TCF20: variants seen among roughly 807,000 people sequenced by gnomAD.
TCF20 encodes transcription factor 20, also known as SPRE-binding protein.
Under a neutral mutation model 148.6 loss-of-function variants are expected in TCF20, and 3 were observed. The ratio of observed to expected loss-of-function variants is 0.02; its 90% CI spans 0.01 to 0.05. The LOEUF (loss-of-function observed/expected upper bound fraction) is 0.05. Ranked by LOEUF, TCF20 falls within the 10% of genes least tolerant of loss-of-function variation. The pLI is 1.00. For synonymous variants in TCF20, 1,049 were observed against 909.5 expected, an observed-to-expected ratio of 1.15 and a Z score of -2.76; for missense variants, 2,350 against 2,429.3, an observed-to-expected ratio of 0.97 and a Z score of 0.69.
chr22:42,207,589 G>A (rs1298346127), intron 2 of TCF20, among the ~76,000 whole-genome samples: 1 of 152,192 alleles, frequency 6.6e-6, no homozygotes, highest in East Asian at 1.9e-4. Flanking sequence ...GCCGAGGTGG[G>A]CGGATCACCT....
At chr22:42,240,635 G>C (rs1281413496) in intron 1 of TCF20, among the ~76,000 whole-genome samples, 4 of 152,178 alleles carry the variant, frequency 2.6e-5, no homozygotes, top group Non-Finnish European at 5.9e-5. Flanking sequence ...TTGTTGATTT[G>C]CCAGTGGAGG....
chr22:42,211,370 A>C lies in TCF20; in HGVS notation c.3936T>G (p.Pro1312=), dbSNP rs764481870. Residue 1312 remains proline (P), a synonymous_variant, in exon 2 of 6, where the codon CCT becomes CCG. Coordinates refer to ENST00000677622, the MANE Select transcript of TCF20 (RefSeq NM_001378418.1). ...GAAGGTCCTTGGAGGAATCTCTCTT[A>C]GGGATAGACTTGATATCCTGACTGT... ...LSHSQDIKSI[P]KRDSSKDLPS... 1 of 1,614,166 alleles carries C rather than the reference A, an allele frequency of 6.2e-7. No homozygotes were observed. The highest frequency in any genetic ancestry group is 8.5e-7 in the Non-Finnish European group (1 of 1,180,034).
intron 3 of TCF20, among the ~76,000 whole-genome samples, chr22:42,171,878 C>T (rs1029879695): frequency 3.9e-5 from 6 of 152,148 alleles, no homozygotes; most frequent in South Asian, 2.1e-4. Flanking sequence ...AGGGACCACA[C>T]GAGCAGCAAA....
At position 42,161,972 on chromosome 22, in the gene TCF20, CTTTTTTT is replaced by C. The variant is rs3045573; in HGVS notation, c.*45-621_*45-615del. On this transcript the variant is annotated intron_variant, in intron 5 of 5. Coordinates refer to ENST00000677622, the MANE Select transcript of TCF20 (RefSeq NM_001378418.1). ...GCCACCATGCTTGGCTAATGACAGT[CTTTTTTT>C]TTTTTTTTTTTTTTTTTTTTTGAGA... 9.2e-3 allele frequency among the ~76,000 whole-genome samples: 693 copies of C among 74,978 alleles called. 12 individuals carry two copies. Among genetic ancestry groups the C allele is most frequent in the African/African-American group, 0.04 (632 of 15,620 alleles). 49.2% of individuals were successfully genotyped at this position (74,978 alleles called of 152,430 possible). A position where few individuals can be genotyped will look rare whatever the true frequency, so the allele number is the denominator to read the frequency against.
intron 1 of TCF20, among the ~76,000 whole-genome samples, chr22:42,322,485 G>A (rs1047609422): frequency 2.0e-5 from 3 of 151,894 alleles, no homozygotes; most frequent in African/African-American, 4.8e-5. Context: ...TCTCCCTGGG[G>A]AGGAGCTCCC....
chr22:42,237,918 CA>C (rs1345850956), intron 1 of TCF20, among the ~76,000 whole-genome samples: 1 of 152,176 alleles, frequency 6.6e-6, no homozygotes, highest in Non-Finnish European at 1.5e-5. Context: ...AGAGCACAGG[CA>C]GAGTAGATTT....
intron 2 of TCF20, among the ~76,000 whole-genome samples, chr22:42,201,876 T>TA (rs1938053199): frequency 6.6e-6 from 1 of 152,210 alleles, no homozygotes. Context: ...ACTAGAATGT[T>TA]AATGCTTTTA....
intron 1 of TCF20, among the ~76,000 whole-genome samples, chr22:42,253,393 T>C (rs73169131): frequency 1.6e-3 from 249 of 151,774 alleles, no homozygotes; most frequent in Non-Finnish European, 2.7e-3. Flanking sequence ...TATCAAAATA[T>C]AGAAAAAAAA....
At position 42,317,689 on chromosome 22, in the gene TCF20, G is replaced by A. The variant is rs886229354; in HGVS notation, c.-37+25790C>T. On this transcript the variant is annotated intron_variant, in intron 1 of 1. Coordinates refer to the TCF20 transcript ENST00000515426. This position sits in a 1 kb window ranked among gnomAD's most constrained non-coding sequence, Gnocchi z 4.2. ...TGTAGACTCAGCCGCAGGACAGCGGGAGGGTGGGGGTTCTGTGGGCCTTTC... is the reference window on the plus strand; with the variant it reads ...TGTAGACTCAGCCGCAGGACAGCGGAAGGGTGGGGGTTCTGTGGGCCTTTC... Among the ~76,000 whole-genome samples the A allele has an allele frequency of 1.3e-5, 2 of 152,086 alleles. No homozygotes were observed. The highest frequency in any genetic ancestry group is 4.8e-5 in the African/African-American group (2 of 41,390).
chr22:42,223,578 C>T (rs1321358528), intron 1 of TCF20, among the ~76,000 whole-genome samples: 1 of 151,792 alleles, frequency 6.6e-6, no homozygotes, highest in Admixed American at 6.6e-5. Context: ...AATGGAGACT[C>T]AGAAGTTAAA....
intron 2 of TCF20, among the ~76,000 whole-genome samples, chr22:42,203,561 A>G (rs1242869149): frequency 6.6e-6 from 1 of 152,184 alleles, no homozygotes; most frequent in African/African-American, 2.4e-5. Context: ...TTCTCTGGAA[A>G]TTTAGTGTCA....
At chr22:42,183,212 A>G (rs532233248) in intron 2 of TCF20, among the ~76,000 whole-genome samples, 19 of 152,352 alleles carry the variant, frequency 1.2e-4, no homozygotes, top group African/African-American at 4.3e-4. Flanking sequence ...TTACTGGATT[A>G]CTGGTTTCCT....
rs1252475553 is a variant in TCF20 at position 42,213,206 on chromosome 22, T to C, written c.2100A>G (p.Lys700=). Residue 700 remains lysine (K), a synonymous_variant, in exon 2 of 6, where the codon AAA becomes AAG. Coordinates refer to ENST00000677622, the MANE Select transcript of TCF20 (RefSeq NM_001378418.1). ...AACTATAGCGCAGACTTCCAGGAGA[T>C]TTGCTAGGCTCAGTTCTGCTCGTAA... ...PGFTSRTEPS[K]SPGSLRYSYK... is the part of the protein sequence containing the mutation. The C allele has an allele frequency of 1.2e-6, 2 of 1,614,160 alleles. No homozygotes were observed. The highest frequency in any genetic ancestry group is 1.6e-4 in the Middle Eastern group (1 of 6,062).
In TCF20 at chr22:42,213,824, T is replaced by C. The variant is rs1921335397; in HGVS notation, c.1482A>G (p.Lys494=). 1.2e-6 allele frequency: 2 copies of C among 1,614,070 alleles called. No homozygotes were observed. Among genetic ancestry groups the C allele is most frequent in the South Asian group, 1.1e-5 (1 of 91,082 alleles). The part of the protein sequence containing the change: ...KTSKRPSSSK[K]ADSCTNSEGS... ...CTTCAGAATTTGTGCAGCTATCTGC[T>C]TTCTTGGAAGATGAGGGCCTCTTGG... Residue 494 remains lysine, a synonymous_variant, in exon 2 of 6, where the codon AAA becomes AAG. Coordinates refer to ENST00000677622, the MANE Select transcript of TCF20 (RefSeq NM_001378418.1).
At chr22:42,277,842 G>C (rs960285409) in intron 1 of TCF20, among the ~76,000 whole-genome samples, 2 of 152,214 alleles carry the variant, frequency 1.3e-5, no homozygotes, top group African/African-American at 4.8e-5. Context: ...TTTTGGATGT[G>C]AGTTTCCATA....
chr22:42,343,418 T>G (rs1423002539), intron 1 of TCF20: 1 of 151,066 alleles, frequency 6.6e-6, no homozygotes, highest in African/African-American at 2.4e-5. Flanking sequence ...TGGGCGGGCA[T>G]CGGGCCCCAG....
intron 1 of TCF20, among the ~76,000 whole-genome samples, chr22:42,227,001 G>C (rs1922967826): frequency 6.6e-6 from 1 of 152,150 alleles, no homozygotes; most frequent in Non-Finnish European, 1.5e-5. Context: ...TAATTTTTAA[G>C]ACTGGGCGTG....
rs59215167 is a variant in TCF20, at chr22:42,256,472, GT to G, written c.-37+13866del. On this transcript the variant is annotated intron_variant, in intron 1 of 5. Coordinates refer to ENST00000677622, the MANE Select transcript of TCF20 (RefSeq NM_001378418.1). ...CACATGCGCTAGCCAATGTAGCAAA[GT>G]TTTTTTTTTTTTTTTAAAGAGACAT... Among the ~76,000 whole-genome samples the G allele has an allele frequency of 8.9e-3, 1,232 of 138,990 alleles. 3 individuals carry two copies. The highest frequency in any genetic ancestry group is 0.011 in the Non-Finnish European group (684 of 63,386). The allele number at this position is 138,990 out of a possible 152,430, so 91.2% of individuals were successfully genotyped here. A position where few individuals can be genotyped will look rare whatever the true frequency, so the allele number is the denominator to read the frequency against.
Position 42,182,317 on chromosome 22 carries a change from G to C in TCF20, c.5656-2615C>G, listed in dbSNP as rs193212169. 1.1e-3 allele frequency among the ~76,000 whole-genome samples: 168 copies of C among 152,246 alleles called. 1 individual carries two copies. Among genetic ancestry groups the C allele is most frequent in the African/African-American group, 3.5e-3 (144 of 41,528 alleles). ...ACTCACCTCATAGAAATGTCATAAG[G>C]GTTAAATGAATTAATTCAGGCTTAA... is the stretch of plus-strand genomic sequence containing the variant. On this transcript the variant is annotated intron_variant, in intron 2 of 5. Coordinates refer to ENST00000677622, the MANE Select transcript of TCF20 (RefSeq NM_001378418.1).
Sources: allele counts gnomAD v4.1 joint callset (sites outside exome capture counted in the v4.1 genomes callset), GRCh38; gene constraint gnomAD v4.1.1; non-coding constraint Gnocchi (gnomAD v3.1); transcripts MANE v1.5; gene names NCBI Gene and HGNC (gene_info 2026-07-23, HGNC 2026-07-21).